Variants in LOC730098 observed in about 807,000 individuals in gnomAD.
the LOC730098 span, chr9:34,665,107 TG>T: frequency 3.3e-6 from 2 of 601,212 alleles, no homozygotes; most frequent in Non-Finnish European, 3.0e-6. Context: ...ACCCGAGCGC[TG>T]GGGAGTAGGA....
the LOC730098 span, chr9:34,665,602 C>T: frequency 4.3e-6 from 3 of 700,912 alleles, no homozygotes; most frequent in Admixed American, 4.0e-5. Context: ...GCAGAACCCG[C>T]CTCCACTCAC....
chr9:34,665,298 A>G, the LOC730098 span: 1 of 702,170 alleles, frequency 1.4e-6, no homozygotes, highest in Non-Finnish European at 2.6e-6. Context: ...GGTCCGCGGT[A>G]TCGCAGCCTC....
the LOC730098 span, chr9:34,665,570 G>A: frequency 1.4e-5 from 3 of 215,550 alleles, no homozygotes; most frequent in Non-Finnish European, 2.5e-5. Context: ...CCCCCACCCC[G>A]GAGCCGCCTG....
the LOC730098 span, chr9:34,665,961 T>G: frequency 4.2e-6 from 2 of 480,630 alleles, no homozygotes; most frequent in Non-Finnish European, 3.7e-6. Context: ...GTGAGGATTT[T>G]CAGGGGCTGG....
the LOC730098 span, chr9:34,665,237 G>A: frequency 1.4e-6 from 1 of 690,452 alleles, no homozygotes; most frequent in Admixed American, 2.1e-5. Flanking sequence ...GGAGCTACCG[G>A]ATTCCCCCCG....
the LOC730098 span, chr9:34,665,901 C>G: frequency 1.7e-6 from 1 of 576,928 alleles, no homozygotes; most frequent in South Asian, 2.1e-5. Context: ...ATTTAGGGGG[C>G]CAGGGCGAGA....
the LOC730098 span, chr9:34,664,728 C>T: frequency 3.2e-6 from 1 of 308,788 alleles, no homozygotes; most frequent in East Asian, 5.2e-5. Flanking sequence ...GATATACTCC[C>T]AGCAGAGAAG....
chr9:34,664,995 C>A, the LOC730098 span: 1 of 553,008 alleles, frequency 1.8e-6, no homozygotes, highest in Middle Eastern at 3.7e-4. Flanking sequence ...ATGGCGACAG[C>A]GGCGGCAGAG....
the LOC730098 span, chr9:34,665,951 G>T: frequency 8.3e-5 from 42 of 508,002 alleles, no homozygotes; most frequent in African/African-American, 8.2e-4. Flanking sequence ...GGGGCCCTGG[G>T]TGAGGATTTT....
the LOC730098 span, chr9:34,665,739 T>C: frequency 2.9e-6 from 2 of 697,020 alleles, no homozygotes; most frequent in Non-Finnish European, 5.2e-6. Context: ...TTCTCCGTCA[T>C]TCTCAGGACG....
chr9:34,665,429 C>T, the LOC730098 span: 12 of 697,662 alleles, frequency 1.7e-5, no homozygotes, highest in Middle Eastern at 3.4e-4. Flanking sequence ...GGAGCTGACC[C>T]TACAGACTCC....
the LOC730098 span, chr9:34,665,669 T>C: frequency 1.4e-6 from 1 of 700,976 alleles, no homozygotes; most frequent in Non-Finnish European, 2.6e-6. Flanking sequence ...TGTCCTGGGC[T>C]CCGAACGTCT....
the LOC730098 span, chr9:34,664,964 G>C: frequency 9.0e-6 from 5 of 558,584 alleles, no homozygotes; most frequent in African/African-American, 5.7e-5. Flanking sequence ...GAGCCCGTGT[G>C]GGGAGGGGCG....
chr9:34,665,219 G>A, the LOC730098 span: 2 of 672,760 alleles, frequency 3.0e-6, no homozygotes, highest in East Asian at 2.7e-5. Context: ...CTGGCATGAG[G>A]CGGGGCGGGA....
chr9:34,664,897 G>A, the LOC730098 span: 2 of 453,866 alleles, frequency 4.4e-6, no homozygotes, highest in Non-Finnish European at 7.8e-6. Flanking sequence ...CACTGATGAG[G>A]GGCTTTGACG....
the LOC730098 span, chr9:34,665,581 G>T: frequency 1.4e-6 from 1 of 699,956 alleles, no homozygotes; most frequent in Non-Finnish European, 2.6e-6. Flanking sequence ...GAGCCGCCTG[G>T]TTCCTCCTCC....
the LOC730098 span, chr9:34,665,413 C>A: frequency 1.6e-5 from 7 of 450,494 alleles, no homozygotes; most frequent in African/African-American, 6.2e-5. Flanking sequence ...CGGGGCGGGG[C>A]GGGGAGGAGC....
the LOC730098 span, chr9:34,665,054 C>A: frequency 1.7e-6 from 1 of 600,080 alleles, no homozygotes; most frequent in Non-Finnish European, 3.0e-6. Flanking sequence ...AATGCACTGG[C>A]TGGCTGGGCA....
the LOC730098 span, chr9:34,665,528 G>GCCCC: frequency 2.9e-6 from 2 of 679,890 alleles, no homozygotes; most frequent in South Asian, 1.5e-5. Context: ...GGCTCGCCCT[G>GCCCC]CCCACCCCTC....
Sources: allele counts gnomAD v4.1 joint callset, GRCh38; gene constraint gnomAD v4.1.1; transcripts MANE v1.5.